The following UVRAG variants were observed in gnomAD, a reference collection of about 807,000 sequenced individuals.
The protein encoded by UVRAG is UV radiation resistance associated.
Under a neutral mutation model 78.0 loss-of-function variants are expected in UVRAG, and 19 were observed. That is an observed-to-expected ratio of 0.24 (90% CI 0.17 to 0.36). The LOEUF (loss-of-function observed/expected upper bound fraction) is 0.36. Among genes scored for constraint, UVRAG ranks in the 10% least tolerant of loss-of-function variants. UVRAG has a pLI of 1.00. For synonymous variants in UVRAG, 323 were observed against 324.6 expected (o/e 1.00, Z 0.05); for missense variants, 740 against 853.8 (o/e 0.87, Z 1.66).
At chr11:76,041,692 G>T (rs1284314965) in intron 12 of UVRAG, among the ~76,000 whole-genome samples, 1 of 152,132 alleles carries the variant, frequency 6.6e-6, no homozygotes, top group Non-Finnish European at 1.5e-5. Flanking sequence ...CTGTAACCTG[G>T]ATCCATATAG....
intron 7 of UVRAG, among the ~76,000 whole-genome samples, chr11:75,967,318 A>C (rs1011198656): frequency 2.0e-4 from 30 of 152,288 alleles, no homozygotes; most frequent in African/African-American, 7.2e-4. Context: ...TCCGGGTTCT[A>C]AGCCTGTTAC....
chr11:75,975,307 C>T (rs1272457085), intron 7 of UVRAG, among the ~76,000 whole-genome samples: 3 of 152,138 alleles, frequency 2.0e-5, no homozygotes. Context: ...TGTGATGCCT[C>T]TAGTTTTGTT....
intron 6 of UVRAG, among the ~76,000 whole-genome samples, chr11:75,919,059 ACT>A (rs1394505701): frequency 6.6e-6 from 1 of 152,204 alleles, no homozygotes; most frequent in Non-Finnish European, 1.5e-5. Context: ...GCTAGAAAGT[ACT>A]GTCAACTATA....
At chr11:76,023,735 C>A (rs1166219539) in intron 12 of UVRAG, among the ~76,000 whole-genome samples, 1 of 152,134 alleles carries the variant, frequency 6.6e-6, no homozygotes, top group Non-Finnish European at 1.5e-5. Context: ...GCAAAACTTT[C>A]TTCCTGGTTT....
chr11:75,903,214 G>A (rs762735473), intron 5 of UVRAG, among the ~76,000 whole-genome samples: 1 of 152,064 alleles, frequency 6.6e-6, no homozygotes, highest in Non-Finnish European at 1.5e-5. Context: ...CTCCTATCGG[G>A]TAGTTGGACA....
intron 6 of UVRAG, chr11:75,914,140 G>T (rs560525435): frequency 6.6e-6 from 1 of 152,324 alleles, no homozygotes; most frequent in African/African-American, 2.4e-5. Flanking sequence ...GAGTCAGATG[G>T]GACTTTGGTG....
intron 5 of UVRAG, among the ~76,000 whole-genome samples, chr11:75,907,115 C>A (rs1386353733): frequency 6.6e-6 from 1 of 152,088 alleles, no homozygotes; most frequent in Non-Finnish European, 1.5e-5. Flanking sequence ...GGGTATTGTT[C>A]CTATGTTGAT....
chr11:75,978,600 A>G (rs954331143), intron 7 of UVRAG, among the ~76,000 whole-genome samples: 14 of 151,992 alleles, frequency 9.2e-5, no homozygotes, highest in African/African-American at 3.1e-4. Context: ...CTTCTCTTCT[A>G]GCTTCATTTC....
At chr11:75,872,044 T>C (rs1313107612) in intron 3 of UVRAG, among the ~76,000 whole-genome samples, 1 of 152,248 alleles carries the variant, frequency 6.6e-6, no homozygotes, top group East Asian at 1.9e-4. Context: ...ATTGATGGGA[T>C]ATATTTGATC....
chr11:76,007,666 G>T, intron 10 of UVRAG, 45 bp downstream of exon 10: 1 of 1,462,278 alleles, frequency 6.8e-7, no homozygotes, highest in Middle Eastern at 2.0e-4. Flanking sequence ...TTGAAAAGAT[G>T]ATTTCTGTAT....
At chr11:76,119,825 C>T (rs2134474776) in intron 14 of UVRAG, among the ~76,000 whole-genome samples, 1 of 152,312 alleles carries the variant, frequency 6.6e-6, no homozygotes, top group East Asian at 1.9e-4. Context: ...CCAAAGTAGC[C>T]AGGATGATCT....
intron 1 of UVRAG, 103 bp from the exon 2 acceptor site, chr11:75,851,780 G>T: frequency 1.2e-6 from 1 of 856,628 alleles, no homozygotes; most frequent in South Asian, 1.6e-5. Context: ...ATAAATAAAT[G>T]ACTGAGACAA....
chr11:75,970,869 AT>A (rs1327406253), intron 7 of UVRAG, among the ~76,000 whole-genome samples: 2 of 152,092 alleles, frequency 1.3e-5, no homozygotes, highest in Non-Finnish European at 2.9e-5. Flanking sequence ...TTAATACATT[AT>A]TATTAACTGA....
chr11:75,995,214 C>G (rs1364496986), intron 8 of UVRAG, among the ~76,000 whole-genome samples: 2 of 147,136 alleles, frequency 1.4e-5, no homozygotes, highest in African/African-American at 5.1e-5. Context: ...CCAAGTGTGT[C>G]TATGATTGTT....
At chr11:76,050,110 G>A (rs145134854) in intron 12 of UVRAG, among the ~76,000 whole-genome samples, 17 of 152,296 alleles carry the variant, frequency 1.1e-4, no homozygotes, top group African/African-American at 3.6e-4. Context: ...ACTCACTGGC[G>A]TTTGCTCTAA....
At chr11:75,842,119 C>G (rs1475882120) in intron 1 of UVRAG, among the ~76,000 whole-genome samples, 1 of 152,148 alleles carries the variant, frequency 6.6e-6, no homozygotes, top group Non-Finnish European at 1.5e-5. Context: ...GAAGAATATC[C>G]CAAAAGGACC....
At chr11:75,951,003 C>CACAT (rs1288561187) in intron 6 of UVRAG, among the ~76,000 whole-genome samples, 1 of 149,006 alleles carries the variant, frequency 6.7e-6, no homozygotes, top group African/African-American at 2.5e-5. Flanking sequence ...CACACACACA[C>CACAT]ATATCCCAAG....
chr11:76,091,301 A>T (rs1310730061), intron 13 of UVRAG, among the ~76,000 whole-genome samples: 2 of 152,058 alleles, frequency 1.3e-5, no homozygotes, highest in South Asian at 4.1e-4. Flanking sequence ...ATTTTTAGAA[A>T]TTTGTAGGAA....
At chr11:75,869,513 C>A (rs540893581) in intron 3 of UVRAG, among the ~76,000 whole-genome samples, 1 of 152,274 alleles carries the variant, frequency 6.6e-6, no homozygotes, top group South Asian at 2.1e-4. Flanking sequence ...TTTTAAACTG[C>A]ATCATCTTCA....
Sources: allele counts gnomAD v4.1 joint callset (sites outside exome capture counted in the v4.1 genomes callset), GRCh38; gene constraint gnomAD v4.1.1; transcripts MANE v1.5; gene names NCBI Gene and HGNC (gene_info 2026-07-23, HGNC 2026-07-21).